The following CDH22 variants were observed in gnomAD, a reference collection of about 807,000 sequenced individuals.
CDH22 encodes the protein cadherin 22.
Under a neutral mutation model 58.4 loss-of-function variants are expected in CDH22, and 30 were observed. The ratio of observed to expected loss-of-function variants is 0.51; its 90% CI spans 0.38 to 0.70. The LOEUF (loss-of-function observed/expected upper bound fraction) is 0.70. Ranked by LOEUF, CDH22 falls within the 30% of genes least tolerant of loss-of-function variation. CDH22 has a pLI of 0.00. For synonymous variants in CDH22, 513 were observed against 558.2 expected (o/e 0.92, Z 1.14); for missense variants, 1,014 against 1,233.9 (o/e 0.82, Z 2.67).
At chr20:46,226,231 CCTTCTTCTTCTTCTT>C (rs74176857) in intron 4 of CDH22, among the ~76,000 whole-genome samples, 59 of 86,598 alleles carry the variant, frequency 6.8e-4, no homozygotes, top group Admixed American at 1.7e-3. Flanking sequence ...TCTGGCAACA[CCTTCTTCTTCTTCTT>C]CTTCTTCTTC....
chr20:46,221,241 T>G (rs2086122454), intron 4 of CDH22, among the ~76,000 whole-genome samples: 1 of 151,924 alleles, frequency 6.6e-6, no homozygotes, highest in Admixed American at 6.6e-5. Context: ...TAATAAATTA[T>G]TGTTGCTTTA....
chr20:46,228,228 C>T (rs1000420321), intron 3 of CDH22, among the ~76,000 whole-genome samples: 1 of 151,366 alleles, frequency 6.6e-6, no homozygotes, highest in Admixed American at 6.6e-5. Context: ...GCCAGTGTCT[C>T]TTGGCCCCCG....
Position 46,251,024 on chromosome 20 carries a change from T to C in CDH22, c.255+16A>G. Reference sequence around the variant, plus strand: ...AGGGTCCTGGGATCTGGAGTTGGAGTGGGGCCCCACTTTACCTTGCCCACA... The same window carrying C: ...AGGGTCCTGGGATCTGGAGTTGGAGCGGGGCCCCACTTTACCTTGCCCACA... On this transcript the variant is annotated intron_variant, in intron 2 of 11. Coordinates refer to ENST00000537909, the MANE Select transcript of CDH22 (RefSeq NM_021248.3). The surrounding 1 kb of genome is among the most constrained non-coding windows in gnomAD (Gnocchi z 6.7). 6.4e-7 allele frequency: 1 copy of C among 1,555,472 alleles called. No individual in the cohort carries two copies. Among genetic ancestry groups the C allele is most frequent in the Non-Finnish European group, 8.9e-7 (1 of 1,129,584 alleles).
At chr20:46,298,360 C>T (rs2086637611) in intron 1 of CDH22, among the ~76,000 whole-genome samples, 2 of 152,174 alleles carry the variant, frequency 1.3e-5, no homozygotes, top group South Asian at 2.1e-4. Context: ...TCTTCAAATG[C>T]TGTGTTAAGG....
Position 46,216,732 on chromosome 20 carries a change from G to A in CDH22, c.838+94C>T. On this transcript the variant is annotated intron_variant, in intron 5 of 11. Transcript: ENST00000537909. The surrounding 1 kb of genome is among the most constrained non-coding windows in gnomAD (Gnocchi z 5.3). ...AGAGGGGGAAGCCCTTCTTTTGGTG[G>A]GAAGTCTAAAGGGAAGCTGGGGTCA... The A allele has an allele frequency of 8.5e-7, 1 of 1,175,258 alleles. No homozygotes were observed. The highest frequency in any genetic ancestry group is 1.2e-6 in the Non-Finnish European group (1 of 815,858). 72.8% of individuals were successfully genotyped at this position (1,175,258 alleles called of 1,614,324 possible).
intron 8 of CDH22, among the ~76,000 whole-genome samples, chr20:46,197,295 G>GATATATAT (rs34730995): frequency 4.4e-4 from 63 of 142,022 alleles, no homozygotes; most frequent in African/African-American, 1.3e-3. Context: ...TCTAGGCCAG[G>GATATATAT]ATATATATAT....
At chr20:46,193,771 T>C (rs572196139) in intron 8 of CDH22, among the ~76,000 whole-genome samples, 3 of 152,156 alleles carry the variant, frequency 2.0e-5, no homozygotes, top group Non-Finnish European at 4.4e-5. Flanking sequence ...GGCTTTCTGC[T>C]GGGAACACCT....
intron 8 of CDH22, among the ~76,000 whole-genome samples, chr20:46,194,758 C>G (rs2085886838): frequency 6.6e-6 from 1 of 152,164 alleles, no homozygotes; most frequent in South Asian, 2.1e-4. Flanking sequence ...GAGATGGAGT[C>G]TCGGTCTGTC....
intron 4 of CDH22, among the ~76,000 whole-genome samples, chr20:46,224,065 C>T (rs2145706256): frequency 6.6e-6 from 1 of 152,258 alleles, no homozygotes; most frequent in Admixed American, 6.5e-5. Flanking sequence ...GTTGGCCAGG[C>T]TGGTGTCAAA....
At chr20:46,178,313 C>T in intron 10 of CDH22, 116 bp from the exon 11 acceptor site, 2 of 1,136,822 alleles carry the variant, frequency 1.8e-6, no homozygotes, top group East Asian at 2.5e-5. Flanking sequence ...ACTACAGCCT[C>T]CCAATGGACT....
At chr20:46,186,492 G>A in intron 10 of CDH22, 96 bp downstream of exon 10, 1 of 856,310 alleles carries the variant, frequency 1.2e-6, no homozygotes, top group Non-Finnish European at 1.9e-6. Flanking sequence ...TCCAACATAG[G>A]CCCTGTGGGC....
In CDH22 at chr20:46,271,416, G is replaced by A. The variant is rs139709872; in HGVS notation, c.-399-19723C>T. ...GGTTTGTAGGCATCAGCATTTAAACGTGCTCAAGTAGATTCCATCTTTAAA... is the reference window on the plus strand; with the variant it reads ...GGTTTGTAGGCATCAGCATTTAAACATGCTCAAGTAGATTCCATCTTTAAA... On this transcript the variant is annotated intron_variant, in intron 1 of 11. Transcript: ENST00000537909. Among the ~76,000 whole-genome samples the A allele has an allele frequency of 3.7e-3, 566 of 152,024 alleles. 7 individuals are homozygous for A. The highest frequency in any genetic ancestry group is 0.013 in the African/African-American group (543 of 41,444).
At chr20:46,208,108 T>C (rs946809663) in intron 7 of CDH22, among the ~76,000 whole-genome samples, 14 of 152,210 alleles carry the variant, frequency 9.2e-5, no homozygotes, top group Admixed American at 7.9e-4. Context: ...GCTAGGCTCA[T>C]AGTCAGCTCA....
At chr20:46,242,326 C>T (rs957223798) in intron 2 of CDH22, among the ~76,000 whole-genome samples, 2 of 152,178 alleles carry the variant, frequency 1.3e-5, no homozygotes, top group Non-Finnish European at 1.5e-5. Context: ...CTAAAGCCTC[C>T]GGAGAGGAGC....
Position 46,174,431 on chromosome 20 carries a change from G to C in CDH22, c.*75C>G. The stretch of plus-strand genomic sequence containing the variant: ...GGAGGGCAGGAAAGGGGGTCCGCGG[G>C]GGAAACGCGTTGTCCTGGGGCCCCG... On this transcript the variant is annotated 3_prime_UTR_variant, in exon 12 of 12. Transcript: ENST00000537909. This position sits in a 1 kb window ranked among gnomAD's most constrained non-coding sequence, Gnocchi z 4.4. The C allele has an allele frequency of 9.4e-7, 1 of 1,065,620 alleles. No homozygotes were observed. The highest frequency in any genetic ancestry group is 1.3e-6 in the Non-Finnish European group (1 of 786,102). The allele number at this position is 1,065,620 out of a possible 1,614,324, so 66.0% of individuals were successfully genotyped here.
intron 4 of CDH22, among the ~76,000 whole-genome samples, chr20:46,223,693 CTTTCTT>C: frequency 1.5e-5 from 1 of 68,948 alleles, no homozygotes; most frequent in Admixed American, 1.4e-4. Context: ...TTCTTTCTTT[CTTTCTT>C]TCTTTCTTTC....
intron 7 of CDH22, chr20:46,209,923 G>C (rs778469213): frequency 6.0e-4 from 120 of 199,816 alleles, no homozygotes; most frequent in Non-Finnish European, 1.1e-3. Flanking sequence ...GAGAGGGAAG[G>C]GGGTGCAGGG....
In CDH22 at chr20:46,174,577, C is replaced by A. The variant is rs1317883569; in HGVS notation, c.2416G>T (p.Gly806Cys). Reference protein sequence around the residue: ...EQDFAYLSSWGPRFRPLAALY... With the variant: ...EQDFAYLSSWCPRFRPLAALY... The stretch of plus-strand genomic sequence containing the variant: ...GCGGCCAGGGGCCGGAAGCGCGGAC[C>A]CCAGCTGCTGAGATAGGCGAAGTCC... Residue 806 changes from glycine (G) to cysteine (C), a missense_variant, in exon 12 of 12, where the codon GGT (glycine) becomes TGT (cysteine). By Grantham distance (159) the Gly-to-Cys change is radical. Coordinates refer to ENST00000537909, the MANE Select transcript of CDH22 (RefSeq NM_021248.3). This position sits in a 1 kb window ranked among gnomAD's most constrained non-coding sequence, Gnocchi z 4.4. 1 of 1,530,846 alleles carries A rather than the reference C, an allele frequency of 6.5e-7. No homozygotes were observed. Among genetic ancestry groups the A allele is most frequent in the Non-Finnish European group, 8.7e-7 (1 of 1,143,930 alleles). The allele number at this position is 1,530,846 out of a possible 1,614,324, so 94.8% of individuals were successfully genotyped here.
intron 2 of CDH22, among the ~76,000 whole-genome samples, chr20:46,242,316 C>T (rs1416354589): frequency 6.6e-6 from 1 of 152,234 alleles, no homozygotes; most frequent in Non-Finnish European, 1.5e-5. Context: ...CCCATTCCAT[C>T]TAAAGCCTCC....
Sources: allele counts gnomAD v4.1 joint callset (sites outside exome capture counted in the v4.1 genomes callset), GRCh38; gene constraint gnomAD v4.1.1; non-coding constraint Gnocchi (gnomAD v3.1); transcripts MANE v1.5; gene names NCBI Gene and HGNC (gene_info 2026-07-23, HGNC 2026-07-21).